RPS6KA2: variants seen among roughly 807,000 people sequenced by gnomAD.
The protein encoded by RPS6KA2 is ribosomal protein S6 kinase A2.
In RPS6KA2, 42 loss-of-function variants were observed where a neutral mutation model predicts 91.8. That is an observed-to-expected ratio of 0.46 (90% CI 0.36 to 0.59). The LOEUF (loss-of-function observed/expected upper bound fraction) is 0.59, where lower values mean the gene tolerates loss of function less well. RPS6KA2 is among the 20% of genes least tolerant of loss of function. RPS6KA2 has a pLI of 0.00. For synonymous variants in RPS6KA2, 414 were observed against 393.6 expected (o/e 1.05, Z -0.61); for missense variants, 798 against 978.5 (o/e 0.82, Z 2.46).
At chr6:166,743,977 G>A (rs1322923228) in intron 2 of RPS6KA2, among the ~76,000 whole-genome samples, 1 of 152,168 alleles carries the variant, frequency 6.6e-6, no homozygotes, top group East Asian at 1.9e-4. Flanking sequence ...TCCAGCTTCT[G>A]GCACTTTCCG....
At chr6:166,833,813 G>A (rs1780247135) in intron 2 of RPS6KA2, among the ~76,000 whole-genome samples, 1 of 152,190 alleles carries the variant, frequency 6.6e-6, no homozygotes, top group Non-Finnish European at 1.5e-5. Flanking sequence ...TGAGTAAACT[G>A]CTGTAAATGT....
intron 2 of RPS6KA2, chr6:166,702,857 T>TA (rs568555289): frequency 8.8e-5 from 83 of 946,318 alleles, no homozygotes; most frequent in East Asian, 6.0e-4. Flanking sequence ...AATGGTTGTT[T>TA]AAAAAAAATT....
At chr6:166,507,987 C>A (rs1186437330) in intron 5 of RPS6KA2, among the ~76,000 whole-genome samples, 1 of 147,988 alleles carries the variant, frequency 6.8e-6, no homozygotes, top group Admixed American at 6.7e-5. Context: ...GTCTCGCAAC[C>A]CCCCACCACA....
chr6:166,717,152 A>G (rs1388626458), intron 2 of RPS6KA2, among the ~76,000 whole-genome samples: 2 of 152,212 alleles, frequency 1.3e-5, no homozygotes, highest in Non-Finnish European at 2.9e-5. Context: ...TCTGTGGGCA[A>G]CTAGCAGGTA....
chr6:166,652,170 C>T (rs554517858), intron 2 of RPS6KA2, among the ~76,000 whole-genome samples: 2 of 152,356 alleles, frequency 1.3e-5, no homozygotes, highest in Admixed American at 6.5e-5. Flanking sequence ...AAAACACCTT[C>T]GCATTACATG....
intron 2 of RPS6KA2, among the ~76,000 whole-genome samples, chr6:166,789,307 G>C (rs1162921009): frequency 6.6e-6 from 1 of 152,214 alleles, no homozygotes; most frequent in Non-Finnish European, 1.5e-5. Flanking sequence ...ATCGAGGCTG[G>C]GGGAGGGGCG....
intron 10 of RPS6KA2, among the ~76,000 whole-genome samples, chr6:166,481,006 A>G (rs188981783): frequency 6.2e-4 from 94 of 152,332 alleles, no homozygotes; most frequent in African/African-American, 1.9e-3. Flanking sequence ...ATTTTTCTAT[A>G]GAATAAAAAT....
intron 11 of RPS6KA2, among the ~76,000 whole-genome samples, chr6:166,464,500 C>A (rs1163213129): frequency 6.6e-6 from 1 of 152,186 alleles, no homozygotes; most frequent in East Asian, 1.9e-4. Flanking sequence ...ACAAAGATGT[C>A]CCTCCCTGGT....
intron 2 of RPS6KA2, among the ~76,000 whole-genome samples, chr6:166,853,007 C>T (rs577314872): frequency 1.3e-5 from 2 of 152,288 alleles, no homozygotes; most frequent in South Asian, 2.1e-4. Flanking sequence ...AAAGTACCCC[C>T]GTAGCCACAA....
intron 1 of RPS6KA2, among the ~76,000 whole-genome samples, chr6:166,601,198 C>T (rs1785718201): frequency 6.6e-6 from 1 of 152,218 alleles, no homozygotes; most frequent in African/African-American, 2.4e-5. Context: ...CCATATTTCT[C>T]TACTTGCAAG....
Position 166,821,969 on chromosome 6 carries a change from A to G in RPS6KA2, c.123+36231T>C, listed in dbSNP as rs1444811746. On this transcript the variant is annotated intron_variant, in intron 2 of 21. Coordinates refer to the RPS6KA2 transcript ENST00000503859. This position sits in a 1 kb window ranked among gnomAD's most constrained non-coding sequence, Gnocchi z 4.1. ...ATCCCTCTCCCTCAGCCTCCCATCA[A>G]ATGCGTTGGCAAGTCTGACAGCCCC... is the stretch of plus-strand genomic sequence containing the variant. Among the ~76,000 whole-genome samples, 1 of 151,952 alleles carries G rather than the reference A, an allele frequency of 6.6e-6. No individual in the cohort carries two copies. Among genetic ancestry groups the G allele is most frequent in the Non-Finnish European group, 1.5e-5 (1 of 67,982 alleles).
intron 1 of RPS6KA2, among the ~76,000 whole-genome samples, chr6:166,550,994 C>CAAAAAAAGAAAAAAAA (rs71554314): frequency 9.4e-6 from 1 of 106,380 alleles, no homozygotes; most frequent in Non-Finnish European, 2.0e-5. Flanking sequence ...GACTCTATCT[C>CAAAAAAAGAAAAAAAA]AAAAAAAAAA....
At chr6:166,797,714 A>G (rs1229982140) in intron 2 of RPS6KA2, among the ~76,000 whole-genome samples, 9 of 152,044 alleles carry the variant, frequency 5.9e-5, no homozygotes, top group Non-Finnish European at 1.0e-4. Context: ...GGTGGGAGAA[A>G]ATCTGCATAT....
At chr6:166,684,507 G>C (rs1441115594) in intron 2 of RPS6KA2, among the ~76,000 whole-genome samples, 1 of 152,102 alleles carries the variant, frequency 6.6e-6, no homozygotes, top group Admixed American at 6.5e-5. Context: ...GCTTGCTCTT[G>C]AATTCTCTCC....
intron 2 of RPS6KA2, among the ~76,000 whole-genome samples, chr6:166,746,333 A>T (rs1010707578): frequency 1.9e-4 from 29 of 152,234 alleles, no homozygotes; most frequent in African/African-American, 7.0e-4. Context: ...ATAAGGACAC[A>T]GGAAAACTCA....
Position 166,639,459 on chromosome 6 carries a change from G to A in RPS6KA2, c.124-100675C>T, listed in dbSNP as rs1787359169. Reference sequence around the variant, plus strand: ...AAGGCTTTCCCTACAACCCACCTGTGGTCCTGCCACCAGCCTGATCCTTCT... The same window carrying A: ...AAGGCTTTCCCTACAACCCACCTGTAGTCCTGCCACCAGCCTGATCCTTCT... On this transcript the variant is annotated intron_variant, in intron 2 of 21. Transcript: ENST00000503859. The surrounding 1 kb of genome is among the most constrained non-coding windows in gnomAD (Gnocchi z 4.2). 6.6e-6 allele frequency among the ~76,000 whole-genome samples: 1 copy of A among 152,116 alleles called. No homozygotes were observed. The highest frequency in any genetic ancestry group is 2.4e-5 in the African/African-American group (1 of 41,418).
intron 3 of RPS6KA2, among the ~76,000 whole-genome samples, chr6:166,527,313 A>T (rs1783090550): frequency 6.6e-6 from 1 of 152,056 alleles, no homozygotes; most frequent in Admixed American, 6.6e-5. Context: ...GGAGAAAAGG[A>T]GCTCTTCCGG....
At chr6:166,689,975 T>A (rs377191969) in intron 2 of RPS6KA2, among the ~76,000 whole-genome samples, 1 of 151,946 alleles carries the variant, frequency 6.6e-6, no homozygotes, top group Non-Finnish European at 1.5e-5. Context: ...GGCCAAGGAG[T>A]CCACACTGCG....
intron 2 of RPS6KA2, among the ~76,000 whole-genome samples, chr6:166,797,668 G>A (rs1443884812): frequency 6.6e-6 from 1 of 152,118 alleles, no homozygotes; most frequent in African/African-American, 2.4e-5. Context: ...CGAGAGGGAG[G>A]AGGAAGGCTT....
Sources: gnomAD v4.1 joint callset for allele counts (sites outside exome capture counted in the v4.1 genomes callset) on GRCh38, gnomAD v4.1.1 for gene constraint, Gnocchi (gnomAD v3.1) non-coding constraint, MANE v1.5 for transcripts, NCBI Gene and HGNC (gene_info 2026-07-23, HGNC 2026-07-21) for gene names.